The following FILIP1L variants were observed in gnomAD, a reference collection of about 807,000 sequenced individuals.
The protein encoded by FILIP1L is filamin A interacting protein 1 like, also known as filamin A-interacting protein 1-like.
Under a neutral mutation model 96.6 loss-of-function variants are expected in FILIP1L, and 55 were observed. The ratio of observed to expected loss-of-function variants is 0.57; its 90% confidence interval spans 0.46 to 0.71. The LOEUF is 0.71. Among genes scored for constraint, FILIP1L ranks in the 30% least tolerant of loss-of-function variants. The probability of loss-of-function intolerance (pLI) is 0.00; values close to 1 mark genes in which losing one functional copy is unlikely to be tolerated. For synonymous variants in FILIP1L, 467 were observed against 473.9 expected, an observed-to-expected ratio of 0.99 and a Z score of 0.19; for missense variants, 1,304 against 1,321.2, an observed-to-expected ratio of 0.99 and a Z score of 0.20.
chr3:99,853,677 G>C (rs1000185263), intron 4 of FILIP1L, among the ~76,000 whole-genome samples: 3 of 152,038 alleles, frequency 2.0e-5, no homozygotes, highest in Admixed American at 6.6e-5. Flanking sequence ...TAAATTAGTT[G>C]GCATCCCCAT....
chr3:99,958,654 A>G (rs1251228142), intron 1 of FILIP1L, among the ~76,000 whole-genome samples: 1 of 152,116 alleles, frequency 6.6e-6, no homozygotes, highest in East Asian at 1.9e-4. Flanking sequence ...GTACTCTTGC[A>G]GGAGAAGAAG....
intron 4 of FILIP1L, among the ~76,000 whole-genome samples, chr3:99,887,213 G>T (rs551689350): frequency 6.6e-6 from 1 of 151,828 alleles, no homozygotes; most frequent in Non-Finnish European, 1.5e-5. Context: ...GTCGCGGTTA[G>T]CCGAGATTGA....
chr3:99,875,326 A>G (rs1705456642), intron 4 of FILIP1L, among the ~76,000 whole-genome samples: 1 of 152,200 alleles, frequency 6.6e-6, no homozygotes, highest in African/African-American at 2.4e-5. Flanking sequence ...TGATTAATAC[A>G]GTTACTCTAT....
intron 1 of FILIP1L, among the ~76,000 whole-genome samples, chr3:99,961,520 G>T (rs879309221): frequency 9.9e-5 from 15 of 152,132 alleles, no homozygotes; most frequent in Admixed American, 2.6e-4. Context: ...GCCAGCCCAT[G>T]TGTGAACCCA....
At chr3:100,032,902 A>G (rs2065043959) in intron 1 of FILIP1L, among the ~76,000 whole-genome samples, 1 of 152,156 alleles carries the variant, frequency 6.6e-6, no homozygotes, top group Non-Finnish European at 1.5e-5. Context: ...TATTCCCTGC[A>G]ACAAGCCTGC....
intron 1 of FILIP1L, among the ~76,000 whole-genome samples, chr3:100,072,215 T>C (rs2065774504): frequency 6.6e-6 from 1 of 152,222 alleles, no homozygotes; most frequent in Admixed American, 6.5e-5. Context: ...TGCCAAAGTC[T>C]TTCAGCTCTA....
chr3:100,006,611 G>A (rs1464551921), intron 1 of FILIP1L, among the ~76,000 whole-genome samples: 1 of 151,548 alleles, frequency 6.6e-6, no homozygotes, highest in Non-Finnish European at 1.5e-5. Context: ...ACTCAGCTTT[G>A]GAATGATGAG....
At chr3:100,043,128 G>A (rs2065231314) in intron 1 of FILIP1L, among the ~76,000 whole-genome samples, 2 of 152,210 alleles carry the variant, frequency 1.3e-5, no homozygotes, top group Non-Finnish European at 1.5e-5. Flanking sequence ...CAAGTATCCT[G>A]TGTCTCAAAT....
At position 99,983,462 on chromosome 3, in the gene FILIP1L, GTGTATATATATATATATATATATATATA is replaced by G. The variant is rs1419609740; in HGVS notation, c.-10-52460_-10-52433del. 7.8e-3 allele frequency among the ~76,000 whole-genome samples: 93 copies of G among 11,966 alleles called. 2 individuals carry two copies. Among genetic ancestry groups the G allele is most frequent in the South Asian group, 0.021 (7 of 340 alleles). 7.9% of individuals were successfully genotyped at this position (11,966 alleles called of 152,430 possible). On this transcript the variant is annotated intron_variant, in intron 1 of 5. Coordinates refer to ENST00000477258, the MANE Select transcript of FILIP1L (RefSeq NM_001387850.1). ...TATATGTATGTATATATATATATGT[GTGTATATATATATATATATATATATATA>G]TATATATATATATATATATGTATAT...
At chr3:99,982,443 T>A (rs1213763020) in intron 1 of FILIP1L, among the ~76,000 whole-genome samples, 2 of 152,176 alleles carry the variant, frequency 1.3e-5, no homozygotes, top group Non-Finnish European at 2.9e-5. Context: ...TGGGCTCAAG[T>A]GATCCTCCCA....
intron 1 of FILIP1L, among the ~76,000 whole-genome samples, chr3:100,032,055 G>A (rs1341076545): frequency 1.3e-5 from 2 of 152,022 alleles, no homozygotes; most frequent in Non-Finnish European, 2.9e-5. Context: ...ATTATATAAA[G>A]ACAGGCTACA....
chr3:99,873,753 G>A (rs1450740069), intron 4 of FILIP1L, among the ~76,000 whole-genome samples: 1 of 152,118 alleles, frequency 6.6e-6, no homozygotes, highest in African/African-American at 2.4e-5. Flanking sequence ...CAAGAGAACC[G>A]GAAAATTAAG....
At chr3:100,082,401 A>T (rs2065946245) in intron 1 of FILIP1L, among the ~76,000 whole-genome samples, 1 of 152,224 alleles carries the variant, frequency 6.6e-6, no homozygotes, top group Admixed American at 6.5e-5. Flanking sequence ...ATTTTTTGTC[A>T]TCACAGATAA....
At chr3:99,843,082 CT>C (rs1943205338) in intron 5 of FILIP1L, among the ~76,000 whole-genome samples, 1 of 152,178 alleles carries the variant, frequency 6.6e-6, no homozygotes, top group East Asian at 1.9e-4. Context: ...GTTTGAGAAC[CT>C]TAGTAAACTA....
At chr3:100,094,649 C>T (rs1559755472) in intron 1 of FILIP1L, among the ~76,000 whole-genome samples, 1 of 147,606 alleles carries the variant, frequency 6.8e-6, no homozygotes, top group East Asian at 2.0e-4. Context: ...CCAATTTCTC[C>T]AGCACCATTT....
chr3:99,908,696 TAGG>T (rs1466798780), intron 4 of FILIP1L, among the ~76,000 whole-genome samples: 1 of 152,230 alleles, frequency 6.6e-6, no homozygotes, highest in Non-Finnish European at 1.5e-5. Context: ...AAAAGGTTGT[TAGG>T]AGGATTAAAT....
At chr3:99,912,006 A>G (rs1209018559) in intron 4 of FILIP1L, among the ~76,000 whole-genome samples, 1 of 152,102 alleles carries the variant, frequency 6.6e-6, no homozygotes, top group Non-Finnish European at 1.5e-5. Context: ...TCCTAATAAC[A>G]TTAAAAGTTT....
At chr3:100,074,253 A>T (rs1031812913) in intron 1 of FILIP1L, among the ~76,000 whole-genome samples, 1 of 152,208 alleles carries the variant, frequency 6.6e-6, no homozygotes, top group Admixed American at 6.5e-5. Context: ...GACTGTGGAG[A>T]GCTCTTCGCT....
At chr3:100,106,970 A>C (rs1426785056) in intron 1 of FILIP1L, among the ~76,000 whole-genome samples, 1 of 152,212 alleles carries the variant, frequency 6.6e-6, no homozygotes, top group Non-Finnish European at 1.5e-5. Context: ...TACAGTGGTG[A>C]CTGGCATTTT....
Sources: allele counts gnomAD v4.1 joint callset (sites outside exome capture counted in the v4.1 genomes callset), GRCh38; gene constraint gnomAD v4.1.1; transcripts MANE v1.5; gene names NCBI Gene and HGNC (gene_info 2026-07-23, HGNC 2026-07-21).